PER2: variants seen among roughly 807,000 people sequenced by gnomAD.
The protein encoded by PER2 is period circadian regulator 2.
In PER2, 66 loss-of-function variants were observed where a neutral mutation model predicts 121.0. The observed-to-expected ratio is 0.55, with a 90% CI of 0.45 to 0.67. The LOEUF is 0.67. PER2 is among the 30% of genes least tolerant of loss of function. The pLI, the probability that PER2 is intolerant of heterozygous loss-of-function variation, is 0.00. For synonymous variants in PER2, 684 were observed against 659.9 expected, an observed-to-expected ratio of 1.04 and a Z score of -0.56; for missense variants, 1,521 against 1,635.0, an observed-to-expected ratio of 0.93 and a Z score of 1.20.
intron 20 of PER2, among the ~76,000 whole-genome samples, chr2:238,251,296 TA>T (rs1160287097): frequency 6.6e-6 from 1 of 152,180 alleles, no homozygotes; most frequent in Non-Finnish European, 1.5e-5. Flanking sequence ...CAAGTGGAAC[TA>T]AAGCAGGAAG....
the PER2 span, among the ~76,000 whole-genome samples, chr2:238,297,607 C>T: frequency 5.3e-5 from 8 of 152,198 alleles, no homozygotes; most frequent in Non-Finnish European, 1.2e-4. Context: ...CCCCGAGCTC[C>T]CTGCAGGGCA....
intron 1 of PER2, among the ~76,000 whole-genome samples, chr2:238,284,844 C>T (rs953497905): frequency 1.1e-4 from 16 of 152,372 alleles, no homozygotes; most frequent in Non-Finnish European, 1.8e-4. Flanking sequence ...AAATGCGTCT[C>T]TCAGCCTCAG....
At chr2:238,291,159 A>T (rs768076553), upstream of PER2, among the ~76,000 whole-genome samples, 83 of 152,154 alleles carry the variant, frequency 5.5e-4, no homozygotes, top group Non-Finnish European at 9.3e-4. Context: ...TTGGGGGTGG[A>T]GGTGGAGTGG....
chr2:238,258,328 TA>T lies in PER2; in HGVS notation c.1847del (p.Leu616GlnfsTer26). 2 of 1,614,210 alleles carry T rather than the reference TA, an allele frequency of 1.2e-6. No individual in the cohort carries two copies. The highest frequency in any genetic ancestry group is 8.5e-7 in the Non-Finnish European group (1 of 1,180,028). On this transcript the variant is annotated frameshift_variant, in exon 16 of 23. Coordinates refer to ENST00000254657, the MANE Select transcript of PER2 (RefSeq NM_022817.3). LOFTEE classifies it high-confidence loss of function. ...KCEFPANVPA[L>X]RSSDKRKATV... is the part of the protein sequence containing the mutation. The stretch of plus-strand genomic sequence containing the variant: ...TGGCCTTCCGCTTATCACTGGACCT[TA>T]GCGCTGGGACGTTTGCTGGGAACTC...
chr2:238,266,364 C>T (rs1696112775), intron 8 of PER2, among the ~76,000 whole-genome samples: 2 of 151,716 alleles, frequency 1.3e-5, no homozygotes, highest in Admixed American at 1.3e-4. Flanking sequence ...TCAAGAGATC[C>T]TCCTACCTCA....
the PER2 span, chr2:238,295,385 C>T: frequency 6.6e-6 from 1 of 151,988 alleles, no homozygotes; most frequent in African/African-American, 2.4e-5. Flanking sequence ...TCTCCTCCTT[C>T]TTCTTCTTCT....
chr2:238,251,264 T>G lies in PER2; in HGVS notation c.3274+335A>C, dbSNP rs796101660. Among the ~76,000 whole-genome samples, 19 of 152,322 alleles carry G rather than the reference T, an allele frequency of 1.2e-4. 1 individual carries two copies. In the South Asian group the frequency reaches 3.9e-3, roughly 32 times the overall value. ...ATCCCAGCGGGTAGAGGCTTGCAGGTGCTCCATACCCTCAGTTCACACAAG... is the reference window on the plus strand; with the variant it reads ...ATCCCAGCGGGTAGAGGCTTGCAGGGGCTCCATACCCTCAGTTCACACAAG... On this transcript the variant is annotated intron_variant, in intron 20 of 22. Coordinates refer to ENST00000254657, the MANE Select transcript of PER2 (RefSeq NM_022817.3).
At chr2:238,266,177 A>G (rs564910992) in intron 8 of PER2, among the ~76,000 whole-genome samples, 2 of 152,186 alleles carry the variant, frequency 1.3e-5, no homozygotes, top group South Asian at 4.1e-4. Context: ...TGCTGGGACT[A>G]CAGGCGTGAG....
chr2:238,262,362 A>G lies in PER2; in HGVS notation c.1154-18T>C, dbSNP rs1574848026. 1 of 1,613,732 alleles carries G rather than the reference A, an allele frequency of 6.2e-7. No homozygotes were observed. The highest frequency in any genetic ancestry group is 2.2e-5 in the East Asian group (1 of 44,864). On this transcript the variant is annotated intron_variant, in intron 10 of 22. Coordinates refer to ENST00000254657, the MANE Select transcript of PER2 (RefSeq NM_022817.3). The stretch of plus-strand genomic sequence containing the variant: ...CTGCAGGACTAGGAGAGCAAAAGCC[A>G]GCATTCAGGGGAAAAGGGGAGCAAA...
intron 1 of PER2, among the ~76,000 whole-genome samples, chr2:238,286,662 A>C (rs1400787237): frequency 3.3e-5 from 5 of 152,210 alleles, no homozygotes; most frequent in African/African-American, 4.8e-5. Flanking sequence ...CAAACAGAGT[A>C]GTTTTCAAAA....
chr2:238,295,867 A>C, the PER2 span: 1 of 200,062 alleles, frequency 5.0e-6, no homozygotes. Context: ...ACAGAGGAAA[A>C]ACGGGCTCCC....
At position 238,250,560 on chromosome 2, in the gene PER2, A is replaced by T. The variant is rs1408580845; in HGVS notation, c.3458T>A (p.Leu1153Gln). Residue 1153 changes from leucine (L) to glutamine (Q), a missense_variant, in exon 21 of 23, where the codon CTG becomes CAG. Physicochemically the swap from Leu to Gln is moderately radical, Grantham distance 113 (BLOSUM62 -2). Coordinates refer to ENST00000254657, the MANE Select transcript of PER2 (RefSeq NM_022817.3). Reference sequence around the variant, plus strand: ...AACGCTGGGTGGTTACCGGGAAGGCAGCTGGTACGTCATCATGACGCTGCT... The same window carrying T: ...AACGCTGGGTGGTTACCGGGAAGGCTGCTGGTACGTCATCATGACGCTGCT... ...ADSSVMMTYQ[L>Q]PSRNLEAVLK... 1 of 1,612,122 alleles carries T rather than the reference A, an allele frequency of 6.2e-7. No homozygotes were observed. Among genetic ancestry groups the T allele is most frequent in the Admixed American group, 1.7e-5 (1 of 59,860 alleles).
intron 9 of PER2, among the ~76,000 whole-genome samples, chr2:238,264,657 T>C (rs1264742453): frequency 6.6e-6 from 1 of 152,170 alleles, no homozygotes; most frequent in African/African-American, 2.4e-5. Flanking sequence ...CAGGGTCTTT[T>C]GCTGTGACCT....
chr2:238,289,487 T>C, upstream of PER2: 1 of 152,324 alleles, frequency 6.6e-6, no homozygotes, highest in East Asian at 1.9e-4. Flanking sequence ...GTTCAGGAAA[T>C]AGAGTCATTG....
chr2:238,256,803 C>T, intron 17 of PER2, 119 bp downstream of exon 17: 8 of 1,052,434 alleles, frequency 7.6e-6, no homozygotes, highest in South Asian at 4.5e-5. Flanking sequence ...TTTCCTGAAA[C>T]GCCCCCTATC....
chr2:238,244,136 AAG>A lies in PER2; in HGVS notation c.*2237_*2238del, dbSNP rs775339832. On this transcript the variant is annotated 3_prime_UTR_variant, in exon 23 of 23. Coordinates refer to ENST00000254657, the MANE Select transcript of PER2 (RefSeq NM_022817.3). ...TCAAACAAATCTATTGCACTGGGTA[AAG>A]AAAGTTTGGTTTGCACACAAACAAA... 1.6e-4 allele frequency: 25 copies of A among 152,726 alleles called. No homozygotes were observed. Among genetic ancestry groups the A allele is most frequent in the Middle Eastern group, 3.4e-3 (1 of 294 alleles). The allele number at this position is 152,726 out of a possible 1,614,324, so 9.5% of individuals were successfully genotyped here. A position where few individuals can be genotyped will look rare whatever the true frequency, so the allele number is the denominator to read the frequency against.
intron 22 of PER2, 42 bp downstream of exon 22, chr2:238,249,020 G>C: frequency 6.3e-7 from 1 of 1,598,972 alleles, no homozygotes; most frequent in Non-Finnish European, 8.6e-7. Context: ...CCATCACAGA[G>C]CCTTTTAGGG....
chr2:238,267,841 C>A (rs1239259907), intron 8 of PER2, among the ~76,000 whole-genome samples: 1 of 152,028 alleles, frequency 6.6e-6, no homozygotes, highest in Non-Finnish European at 1.5e-5. Context: ...ATGCTGGCAC[C>A]CAGATGCCGT....
intron 6 of PER2, among the ~76,000 whole-genome samples, chr2:238,270,686 CAGACCCGGCTGGGA>C (rs1432181770): frequency 6.6e-6 from 1 of 152,212 alleles, no homozygotes; most frequent in Non-Finnish European, 1.5e-5. Flanking sequence ...GGGACTAGAC[CAGACCCGGCTGGGA>C]GGGCCTGGCT....
Sources: gnomAD v4.1 joint callset for allele counts (sites outside exome capture counted in the v4.1 genomes callset) on GRCh38, gnomAD v4.1.1 for gene constraint, MANE v1.5 for transcripts, NCBI Gene and HGNC (gene_info 2026-07-23, HGNC 2026-07-21) for gene names.